NCKAP5: variants seen among roughly 807,000 people sequenced by gnomAD.
NCKAP5 encodes the protein nck-associated protein 5.
A neutral mutation model predicts 167.0 loss-of-function variants in NCKAP5; 92 were observed. The observed-to-expected ratio is 0.55, with a 90% CI of 0.47 to 0.66. NCKAP5 has a LOEUF of 0.66. NCKAP5 is among the 30% of genes least tolerant of loss of function. NCKAP5 has a pLI of 0.00. For synonymous variants in NCKAP5, 891 were observed against 877.4 expected (o/e 1.02, Z -0.27); for missense variants, 2,378 against 2,315.0 (o/e 1.03, Z -0.56).
At chr2:132,844,169 G>A (rs1365343403) in intron 11 of NCKAP5, among the ~76,000 whole-genome samples, 2 of 152,032 alleles carry the variant, frequency 1.3e-5, no homozygotes, top group Admixed American at 6.6e-5. Context: ...TCTTTAAAGA[G>A]CCTATCATTA....
At chr2:132,920,794 T>C (rs1208601274) in intron 8 of NCKAP5, among the ~76,000 whole-genome samples, 7 of 95,154 alleles carry the variant, frequency 7.4e-5, no homozygotes, top group Non-Finnish European at 1.0e-4. Flanking sequence ...TATATATATA[T>C]ATATATATAT....
At chr2:132,779,046 G>A (rs1682791251) in intron 15 of NCKAP5, among the ~76,000 whole-genome samples, 1 of 152,186 alleles carries the variant, frequency 6.6e-6, no homozygotes, top group Non-Finnish European at 1.5e-5. Flanking sequence ...TTCTCAGCAT[G>A]ACTAATTTGT....
At chr2:133,564,273 T>C (rs906815756) in intron 1 of NCKAP5, among the ~76,000 whole-genome samples, 2 of 152,226 alleles carry the variant, frequency 1.3e-5, no homozygotes, top group Non-Finnish European at 2.9e-5. Context: ...CATAATAAGA[T>C]AGCATGAGCA....
At chr2:132,852,775 T>TTGA (rs1689173764) in intron 11 of NCKAP5, among the ~76,000 whole-genome samples, 1 of 152,218 alleles carries the variant, frequency 6.6e-6, no homozygotes, top group Non-Finnish European at 1.5e-5. Context: ...AAGTCAAGGT[T>TTGA]AGCTGTGACC....
chr2:132,896,159 C>CA (rs1462708033), intron 8 of NCKAP5, among the ~76,000 whole-genome samples: 3 of 151,990 alleles, frequency 2.0e-5, no homozygotes, highest in Non-Finnish European at 4.4e-5. Context: ...CAAACAAAAA[C>CA]AAAAAAACAA....
intron 3 of NCKAP5, among the ~76,000 whole-genome samples, chr2:133,409,585 A>T (rs1486530756): frequency 6.7e-6 from 1 of 148,288 alleles, no homozygotes; most frequent in African/African-American, 2.5e-5. Context: ...AGACCTTGTC[A>T]TGGAGAAGTT....
chr2:133,227,587 G>A (rs924659773), intron 4 of NCKAP5, among the ~76,000 whole-genome samples: 2 of 152,096 alleles, frequency 1.3e-5, no homozygotes, highest in Non-Finnish European at 2.9e-5. Context: ...TAAACCTCAG[G>A]AGCACTATAA....
chr2:132,848,423 G>A (rs913308513), intron 11 of NCKAP5, among the ~76,000 whole-genome samples: 4 of 151,976 alleles, frequency 2.6e-5, no homozygotes, highest in African/African-American at 9.7e-5. Context: ...AGATCTTTAC[G>A]TTAATTCAAG....
intron 4 of NCKAP5, among the ~76,000 whole-genome samples, chr2:133,215,304 A>C (rs956918432): frequency 3.3e-5 from 5 of 152,206 alleles, no homozygotes; most frequent in African/African-American, 1.2e-4. Context: ...AAAAAGAAGG[A>C]TATGAATGAA....
chr2:133,439,914 C>G (rs1690726826), intron 3 of NCKAP5, among the ~76,000 whole-genome samples: 1 of 152,228 alleles, frequency 6.6e-6, no homozygotes, highest in African/African-American at 2.4e-5. Flanking sequence ...AATACTGGGA[C>G]TGTCCAGGAG....
chr2:133,291,490 C>T (rs1382861898), intron 4 of NCKAP5, among the ~76,000 whole-genome samples: 4 of 152,176 alleles, frequency 2.6e-5, no homozygotes, highest in Non-Finnish European at 5.9e-5. Context: ...GGTGACAGAT[C>T]TCCCCTATTG....
rs750643165 is a variant in NCKAP5, at chr2:132,778,956, AAAGCACTGCATTTTAC to A, written c.5049+2080_5049+2095del. ...GCTGATGATTATGGAGATGAAACAA[AAAGCACTGCATTTTAC>A]ATTTAAAAAAATGACTAGCTGGTCA... On this transcript the variant is annotated intron_variant, in intron 15 of 19. Transcript: ENST00000409261. 1.8e-4 allele frequency among the ~76,000 whole-genome samples: 28 copies of A among 152,222 alleles called. 1 individual carries two copies. The highest frequency in any genetic ancestry group is 7.8e-4 in the Admixed American group (12 of 15,288).
At chr2:132,715,750 G>T (rs2105352221) in intron 19 of NCKAP5, among the ~76,000 whole-genome samples, 1 of 152,304 alleles carries the variant, frequency 6.6e-6, no homozygotes, top group East Asian at 1.9e-4. Context: ...GAAAGTCCCA[G>T]ACAGGAGCAT....
At chr2:133,585,008 G>GAGAAAAGAAA in the NCKAP5 span, among the ~76,000 whole-genome samples, 1 of 139,496 alleles carries the variant, frequency 7.2e-6, no homozygotes, top group Non-Finnish European at 1.6e-5. Context: ...GAAAGAAAGA[G>GAGAAAAGAAA]AGAAAAGAAA....
intron 4 of NCKAP5, among the ~76,000 whole-genome samples, chr2:133,266,699 A>C (rs559622159): frequency 6.6e-6 from 1 of 152,058 alleles, no homozygotes; most frequent in Non-Finnish European, 1.5e-5. Context: ...CAGCCCGGGC[A>C]CCTCGCGCTC....
At chr2:133,639,037 A>C in the NCKAP5 span, among the ~76,000 whole-genome samples, 1 of 152,194 alleles carries the variant, frequency 6.6e-6, no homozygotes, top group Non-Finnish European at 1.5e-5. Flanking sequence ...GCAATTCATA[A>C]AATAGGAAAC....
chr2:133,038,992 C>T (rs1023809131), intron 6 of NCKAP5, among the ~76,000 whole-genome samples: 1 of 152,068 alleles, frequency 6.6e-6, no homozygotes, highest in African/African-American at 2.4e-5. Flanking sequence ...TTCTGGGAAA[C>T]CTGGGGAGGC....
intron 19 of NCKAP5, among the ~76,000 whole-genome samples, chr2:132,679,007 G>T (rs571003351): frequency 6.6e-6 from 1 of 152,074 alleles, no homozygotes; most frequent in East Asian, 1.9e-4. Context: ...ATTTGAGGTG[G>T]CACAATAACC....
In NCKAP5 at chr2:132,746,848, T is replaced by C. The variant is rs557538557; in HGVS notation, c.5129-14797A>G. On this transcript the variant is annotated intron_variant, in intron 16 of 19. Transcript: ENST00000409261. ...ATGACCCTCAAAAGCATTATGCTTA[T>C]TAAGAGAGGCCAAACCCCCAATATT... 3.9e-5 allele frequency among the ~76,000 whole-genome samples: 6 copies of C among 152,226 alleles called. No homozygotes were observed. In the South Asian group the frequency reaches 1.0e-3, roughly 26 times the overall value.
Sources: gnomAD v4.1 joint callset for allele counts (sites outside exome capture counted in the v4.1 genomes callset) on GRCh38, gnomAD v4.1.1 for gene constraint, MANE v1.5 for transcripts, NCBI Gene and HGNC (gene_info 2026-07-23, HGNC 2026-07-21) for gene names.